Variants in CLINT1 observed in about 807,000 individuals in gnomAD.
CLINT1 encodes clathrin interacting protein localized in the trans-Golgi region.
CLINT1 carries 15 observed loss-of-function variants against 70.4 expected under a neutral mutation model. The ratio of observed to expected loss-of-function variants is 0.21; its 90% confidence interval spans 0.14 to 0.33. The LOEUF is 0.33. CLINT1 is among the 10% of genes least tolerant of loss of function. CLINT1 has a pLI of 1.00. For missense variants in CLINT1, 615 were observed against 778.1 expected (o/e 0.79, Z 2.49); for synonymous variants, 227 against 254.7 (o/e 0.89, Z 1.04).
At chr5:157,840,856 C>A (rs1581535928) in intron 1 of CLINT1, among the ~76,000 whole-genome samples, 2 of 151,870 alleles carry the variant, frequency 1.3e-5, no homozygotes, top group South Asian at 4.2e-4. Context: ...ACAGCCTGAG[C>A]AACACAGCGA....
intron 1 of CLINT1, among the ~76,000 whole-genome samples, chr5:157,852,459 C>A (rs1478816903): frequency 1.3e-5 from 2 of 152,120 alleles, no homozygotes; most frequent in East Asian, 1.9e-4. Flanking sequence ...TACATACTTA[C>A]AAATAACCTA....
In CLINT1 at chr5:157,845,359, T is replaced by TAATAA. The variant is rs940469364; in HGVS notation, c.41+13566_41+13570dup. 7.3e-5 allele frequency among the ~76,000 whole-genome samples: 11 copies of TAATAA among 151,534 alleles called. No individual in the cohort carries two copies. In the East Asian group the frequency reaches 9.7e-4, roughly 13 times the overall value. ...GTAAGCCTCCATCTCAAAATAATAA[T>TAATAA]AATAAAATAAAATAAAATAAAAATT... On this transcript the variant is annotated intron_variant, in intron 1 of 11. Coordinates refer to ENST00000411809, the MANE Select transcript of CLINT1 (RefSeq NM_014666.4).
In CLINT1 at chr5:157,817,493, C is replaced by T. The variant is rs759591376; in HGVS notation, c.96G>A (p.Thr32=). The change falls in exon 2 of 12, where the codon ACG becomes ACA. Residue 32 remains threonine, a synonymous_variant. Coordinates refer to ENST00000411809, the MANE Select transcript of CLINT1 (RefSeq NM_014666.4). The part of the protein sequence containing the change: ...SEIESKVREA[T]NDDPWGPSGQ... ...CAGAAGGTCCCCAAGGATCATCGTT[C>T]GTTGCCTCTCGAACCTTAGACTCGA... The T allele has an allele frequency of 1.6e-5, 25 of 1,606,092 alleles. No homozygotes were observed. Among genetic ancestry groups the T allele is most frequent in the Non-Finnish European group, 1.8e-5 (21 of 1,176,024 alleles).
Position 157,787,550 on chromosome 5 carries a change from ATAAAAGAAAGG to A in CLINT1, c.*85_*95del. 1 of 1,004,450 alleles carries A rather than the reference ATAAAAGAAAGG, an allele frequency of 1.0e-6. No individual in the cohort carries two copies. The highest frequency in any genetic ancestry group is 1.5e-6 in the Non-Finnish European group (1 of 669,374). 62.2% of individuals were successfully genotyped at this position (1,004,450 alleles called of 1,614,324 possible). ...TATGTAGATTTATTTTAATTACTTG[ATAAAAGAAAGG>A]GTAGTTGATTAGCATTTTCCATCCC... On this transcript the variant is annotated 3_prime_UTR_variant, in exon 12 of 12. Coordinates refer to ENST00000411809, the MANE Select transcript of CLINT1 (RefSeq NM_014666.4).
intron 1 of CLINT1, among the ~76,000 whole-genome samples, chr5:157,842,779 T>C (rs1377038512): frequency 6.6e-6 from 1 of 152,214 alleles, no homozygotes; most frequent in Admixed American, 6.5e-5. Context: ...AGTATAGAAA[T>C]ATTATTTCTA....
intron 5 of CLINT1, among the ~76,000 whole-genome samples, chr5:157,811,542 AAAG>A (rs1239319500): frequency 1.7e-4 from 26 of 151,858 alleles, no homozygotes; most frequent in African/African-American, 6.3e-4. Context: ...AAAAAAAAAA[AAAG>A]AAAAGAAAAA....
intron 1 of CLINT1, among the ~76,000 whole-genome samples, chr5:157,827,100 C>A (rs1314115807): frequency 1.3e-5 from 2 of 152,108 alleles, no homozygotes; most frequent in South Asian, 2.1e-4. Context: ...ACCAATATGT[C>A]TGTCCTAAAA....
intron 1 of CLINT1, among the ~76,000 whole-genome samples, chr5:157,835,684 A>G (rs1763396830): frequency 6.6e-6 from 1 of 152,170 alleles, no homozygotes; most frequent in Non-Finnish European, 1.5e-5. Context: ...TGAGACCAAG[A>G]TATGAACAAG....
intron 1 of CLINT1, among the ~76,000 whole-genome samples, chr5:157,850,450 C>G (rs1729330405): frequency 6.6e-6 from 1 of 151,520 alleles, no homozygotes; most frequent in African/African-American, 2.4e-5. Flanking sequence ...GAAACCCTAT[C>G]TCTACAAAAA....
At chr5:157,811,345 C>T (rs898141482) in intron 5 of CLINT1, among the ~76,000 whole-genome samples, 13 of 151,992 alleles carry the variant, frequency 8.6e-5, no homozygotes, top group African/African-American at 2.7e-4. Context: ...AGTTCAAGAC[C>T]AGCCTGGCCA....
chr5:157,801,826 T>C (rs1304330162), intron 8 of CLINT1, among the ~76,000 whole-genome samples: 1 of 152,070 alleles, frequency 6.6e-6, no homozygotes, highest in Admixed American at 6.6e-5. Context: ...GGCTTTATAT[T>C]ACATTAATTA....
chr5:157,855,159 G>GA (rs1231884782), intron 1 of CLINT1, among the ~76,000 whole-genome samples: 1 of 84,166 alleles, frequency 1.2e-5, no homozygotes, highest in Admixed American at 1.2e-4. Flanking sequence ...AAAAAAGGCG[G>GA]GGGGGGGGGC....
At chr5:157,823,313 G>A (rs1445193051) in intron 1 of CLINT1, among the ~76,000 whole-genome samples, 1 of 151,928 alleles carries the variant, frequency 6.6e-6, no homozygotes, top group East Asian at 1.9e-4. Context: ...GTATTATATT[G>A]TAACCAAGGT....
intron 1 of CLINT1, among the ~76,000 whole-genome samples, chr5:157,833,534 T>C (rs1218325395): frequency 1.3e-5 from 2 of 152,214 alleles, no homozygotes; most frequent in African/African-American, 2.4e-5. Context: ...TCAGGTCTTA[T>C]AGCTTGAATG....
intron 1 of CLINT1, among the ~76,000 whole-genome samples, chr5:157,832,972 G>T (rs1763291334): frequency 6.6e-6 from 1 of 152,218 alleles, no homozygotes; most frequent in Non-Finnish European, 1.5e-5. Flanking sequence ...TAGGGCCAAA[G>T]AGAGCTCTTG....
Position 157,806,117 on chromosome 5 carries a change from A to C in CLINT1, c.696-5T>G. ...TTCTTTTCCTCATCGCTGTCGCTAA[A>C]AGATATTAAAAATGAAGCAAAATAA... On this transcript the variant is annotated splice_polypyrimidine_tract_variant and splice_region_variant and intron_variant, in intron 6 of 11. Coordinates refer to ENST00000411809, the MANE Select transcript of CLINT1 (RefSeq NM_014666.4). The C allele has an allele frequency of 6.2e-7, 1 of 1,612,096 alleles. No individual in the cohort carries two copies. The highest frequency in any genetic ancestry group is 8.5e-7 in the Non-Finnish European group (1 of 1,179,070).
At chr5:157,832,631 A>G (rs1217635442) in intron 1 of CLINT1, among the ~76,000 whole-genome samples, 2 of 152,110 alleles carry the variant, frequency 1.3e-5, no homozygotes, top group Admixed American at 6.5e-5. Flanking sequence ...AATCTTTCTA[A>G]TATTTAGTGT....
intron 1 of CLINT1, among the ~76,000 whole-genome samples, chr5:157,825,975 T>A (rs1462535817): frequency 6.6e-6 from 1 of 152,176 alleles, no homozygotes. Context: ...TTAATTCAAA[T>A]TTTTACACTG....
chr5:157,817,333 A>T, intron 2 of CLINT1, 110 bp downstream of exon 2: 2 of 693,386 alleles, frequency 2.9e-6, no homozygotes, highest in Non-Finnish European at 4.9e-6. Flanking sequence ...ATGATTATGC[A>T]AAATTTATAT....
Sources: allele counts gnomAD v4.1 joint callset (sites outside exome capture counted in the v4.1 genomes callset), GRCh38; gene constraint gnomAD v4.1.1; transcripts MANE v1.5; gene names NCBI Gene and HGNC (gene_info 2026-07-23, HGNC 2026-07-21).